Variants in PARD3B observed in about 807,000 individuals in gnomAD.
The protein encoded by PARD3B is par-3 family cell polarity regulator beta, also known as partitioning defective 3 homolog B.
PARD3B carries 103 observed loss-of-function variants against 130.2 expected under a neutral mutation model. The observed-to-expected ratio is 0.79, with a 90% CI of 0.67 to 0.93. The LOEUF is 0.93. PARD3B is among the 40% of genes least tolerant of loss of function. The pLI is 0.00. For missense variants in PARD3B, 1,609 were observed against 1,499.2 expected, an observed-to-expected ratio of 1.07 and a Z score of -1.21; for synonymous variants, 583 against 553.2, an observed-to-expected ratio of 1.05 and a Z score of -0.76.
chr2:205,597,666 G>A (rs1364907944), intron 22 of PARD3B, among the ~76,000 whole-genome samples: 3 of 152,102 alleles, frequency 2.0e-5, no homozygotes, highest in Non-Finnish European at 4.4e-5. Context: ...CCCTTTCTCT[G>A]CAGCCTCACC....
At chr2:204,599,257 T>G (rs1387353910) in intron 1 of PARD3B, among the ~76,000 whole-genome samples, 1 of 151,938 alleles carries the variant, frequency 6.6e-6, no homozygotes, top group Non-Finnish European at 1.5e-5. Flanking sequence ...ATAATCATTC[T>G]ACAGTACTTT....
chr2:204,615,453 G>A (rs1032962242), intron 1 of PARD3B, among the ~76,000 whole-genome samples: 3 of 152,086 alleles, frequency 2.0e-5, no homozygotes, highest in East Asian at 1.9e-4. Context: ...TCTTCCAAAC[G>A]CTGACACATC....
chr2:205,615,761 C>T lies in PARD3B; in HGVS notation c.3566C>T (p.Pro1189Leu). ...CGTGGGGGCAGCCCAGACCAGTACC[C>T]TTACCGAACCCAGGATTCCCGGCAG... ...GPRGGSPDQYPYRTQDSRQKN... is the reference protein window; with the variant it reads ...GPRGGSPDQYLYRTQDSRQKN... The change falls in exon 23 of 23, where the codon CCT becomes CTT. Residue 1189 changes from proline to leucine, a missense_variant. By Grantham distance (98) the Pro-to-Leu change is moderately conservative. Coordinates refer to ENST00000406610, the MANE Select transcript of PARD3B (RefSeq NM_001302769.2). The T allele has an allele frequency of 3.1e-6, 5 of 1,614,066 alleles. No individual in the cohort carries two copies. Among genetic ancestry groups the T allele is most frequent in the Non-Finnish European group, 4.2e-6 (5 of 1,179,990 alleles).
intron 2 of PARD3B, among the ~76,000 whole-genome samples, chr2:204,780,926 CA>C (rs1381105717): frequency 2.0e-5 from 3 of 151,440 alleles, no homozygotes; most frequent in Non-Finnish European, 4.4e-5. Context: ...TGAAGCTCGG[CA>C]AGGATTGCTG....
At chr2:205,084,543 G>A (rs563119480) in intron 4 of PARD3B, among the ~76,000 whole-genome samples, 29 of 151,874 alleles carry the variant, frequency 1.9e-4, no homozygotes, top group Non-Finnish European at 3.8e-4. Context: ...TATTGCAATC[G>A]TTCTCTTTTA....
At chr2:204,746,546 A>G (rs2040237023) in intron 2 of PARD3B, among the ~76,000 whole-genome samples, 1 of 152,218 alleles carries the variant, frequency 6.6e-6, no homozygotes, top group Middle Eastern at 3.4e-3. Context: ...AGATCCTTGA[A>G]GAATTGCCAC....
intron 21 of PARD3B, among the ~76,000 whole-genome samples, chr2:205,531,743 G>A (rs930574135): frequency 6.6e-6 from 1 of 152,024 alleles, no homozygotes; most frequent in South Asian, 2.1e-4. Flanking sequence ...TCCAAAGAGA[G>A]AGGGAGGAGA....
Position 205,341,738 on chromosome 2 carries a change from A to G in PARD3B, c.2630+40037A>G, listed in dbSNP as rs1227745383. On this transcript the variant is annotated intron_variant, in intron 18 of 22. Transcript: ENST00000406610. This position sits in a 1 kb window ranked among gnomAD's most constrained non-coding sequence, Gnocchi z 4.3. Reference sequence around the variant, plus strand: ...GAGGAGAGGATTTTGAATGTTCCCAACACGAAGAAATGATGCATGTTTGAA... The same window carrying G: ...GAGGAGAGGATTTTGAATGTTCCCAGCACGAAGAAATGATGCATGTTTGAA... 1.3e-5 allele frequency among the ~76,000 whole-genome samples: 2 copies of G among 152,136 alleles called. No homozygotes were observed. Among genetic ancestry groups the G allele is most frequent in the Non-Finnish European group, 2.9e-5 (2 of 67,986 alleles).
intron 1 of PARD3B, among the ~76,000 whole-genome samples, chr2:204,619,338 C>T (rs887509184): frequency 7.2e-5 from 11 of 152,190 alleles, no homozygotes; most frequent in African/African-American, 2.7e-4. Context: ...TCATCATGGG[C>T]TACTAGTGAC....
intron 3 of PARD3B, among the ~76,000 whole-genome samples, chr2:205,004,881 C>G (rs969484822): frequency 6.6e-6 from 1 of 152,166 alleles, no homozygotes; most frequent in Non-Finnish European, 1.5e-5. Flanking sequence ...CTCTCCCCCT[C>G]AGTATACTCT....
chr2:204,695,619 T>C (rs1046965324), intron 2 of PARD3B, among the ~76,000 whole-genome samples: 4 of 152,022 alleles, frequency 2.6e-5, no homozygotes, highest in Non-Finnish European at 4.4e-5. Context: ...AATGAAAGAG[T>C]GTGTGGTAAC....
chr2:204,828,193 C>G (rs1468794980), intron 2 of PARD3B, among the ~76,000 whole-genome samples: 1 of 152,206 alleles, frequency 6.6e-6, no homozygotes, highest in Non-Finnish European at 1.5e-5. Context: ...CTCTAAGCAG[C>G]AATTGCTATT....
chr2:204,779,964 A>G (rs2041778180), intron 2 of PARD3B, among the ~76,000 whole-genome samples: 1 of 152,176 alleles, frequency 6.6e-6, no homozygotes, highest in African/African-American at 2.4e-5. Context: ...GGCCCCATTG[A>G]ATGAATTGGG....
At chr2:205,335,401 C>T (rs2043275835) in intron 18 of PARD3B, among the ~76,000 whole-genome samples, 1 of 152,182 alleles carries the variant, frequency 6.6e-6, no homozygotes, top group Non-Finnish European at 1.5e-5. Flanking sequence ...AATTGTCTAG[C>T]ATGTTGACAG....
At chr2:205,381,070 T>TATATATAAAGA (rs1559035679) in intron 18 of PARD3B, among the ~76,000 whole-genome samples, 5 of 32,592 alleles carry the variant, frequency 1.5e-4, no homozygotes, top group African/African-American at 6.7e-4. Context: ...GAATATATAT[T>TATATATAAAGA]ATATATATTA....
chr2:205,594,052 G>A (rs1323830899), intron 22 of PARD3B, among the ~76,000 whole-genome samples: 1 of 152,218 alleles, frequency 6.6e-6, no homozygotes, highest in Non-Finnish European at 1.5e-5. Flanking sequence ...AGGGCAGGCT[G>A]AAGGGCAGCA....
chr2:205,239,985 T>C (rs1201306858), intron 15 of PARD3B, among the ~76,000 whole-genome samples: 8 of 152,088 alleles, frequency 5.3e-5, no homozygotes, highest in Non-Finnish European at 2.9e-5. Flanking sequence ...TTTCAATAGA[T>C]GGAAGAATTT....
At position 205,604,312 on chromosome 2, in the gene PARD3B, C is replaced by T. The variant is rs1464928482; in HGVS notation, c.3261-11144C>T. On this transcript the variant is annotated intron_variant, in intron 22 of 22. Coordinates refer to ENST00000406610, the MANE Select transcript of PARD3B (RefSeq NM_001302769.2). ...CATGTGGCTAGGGAAGCCTCACAAT[C>T]GTGGTGGGAGGCAAGGAGGAGCAAG... 6.6e-5 allele frequency among the ~76,000 whole-genome samples: 10 copies of T among 152,234 alleles called. 1 individual carries two copies. The South Asian group carries it at 2.1e-3, about 32-fold the overall frequency.
intron 1 of PARD3B, among the ~76,000 whole-genome samples, chr2:204,602,208 C>G (rs1490716610): frequency 1.3e-5 from 2 of 152,042 alleles, no homozygotes; most frequent in African/African-American, 2.4e-5. Context: ...TGACATATTG[C>G]TTGTGCAAAC....
Sources: gnomAD v4.1 joint callset for allele counts (sites outside exome capture counted in the v4.1 genomes callset) on GRCh38, gnomAD v4.1.1 for gene constraint, Gnocchi (gnomAD v3.1) non-coding constraint, MANE v1.5 for transcripts, NCBI Gene and HGNC (gene_info 2026-07-23, HGNC 2026-07-21) for gene names.